Variants in LCE3D observed in about 807,000 individuals in gnomAD.
The protein encoded by LCE3D is late cornified envelope protein 3D.
For missense variants in LCE3D, 124 were observed against 121.1 expected (o/e 1.02, Z -0.11); for synonymous variants, 46 against 47.3 (o/e 0.97, Z 0.11).
At chr1:152,580,018 C>G in intron 1 of LCE3D, 61 bp from the exon 2 acceptor site, 23 of 1,598,006 alleles carry the variant, frequency 1.4e-5, no homozygotes, top group Non-Finnish European at 2.0e-5. Context: ...CTAAGACCAG[C>G]GGCCTCCTGA....
In LCE3D at chr1:152,579,503, G is replaced by T; in HGVS notation, c.*155C>A. 8.6e-7 allele frequency: 1 copy of T among 1,156,350 alleles called. No homozygotes were observed. The highest frequency in any genetic ancestry group is 2.4e-5 in the East Asian group (1 of 42,434). The allele number at this position is 1,156,350 out of a possible 1,614,324, so 71.6% of individuals were successfully genotyped here. A position where few individuals can be genotyped will look rare whatever the true frequency, so the allele number is the denominator to read the frequency against. ...GGACATCAGACAGGAAGTGCCTTCT[G>T]GGGAGAGCTCAGACCTTCCACAGGA... is the stretch of plus-strand genomic sequence containing the variant. On this transcript the variant is annotated 3_prime_UTR_variant, in exon 2 of 2. Coordinates refer to ENST00000368787, the MANE Select transcript of LCE3D (RefSeq NM_032563.2).
At chr1:152,580,223 CAT>C (rs964597971) in intron 1 of LCE3D, among the ~76,000 whole-genome samples, 3 of 152,072 alleles carry the variant, frequency 2.0e-5, no homozygotes, top group South Asian at 2.1e-4. Flanking sequence ...TCATAGGAAA[CAT>C]GTGCCAGCCT....
chr1:152,579,612 A>G lies in LCE3D; in HGVS notation c.*46T>C. 1 of 1,612,268 alleles carries G rather than the reference A, an allele frequency of 6.2e-7. No individual in the cohort carries two copies. The highest frequency in any genetic ancestry group is 1.3e-5 in the African/African-American group (1 of 74,954). ...GATGGGGTTTTCCTGGGCCCTTGGG[A>G]TTCTTGTTTCCTCCAAAATCGCTTG... On this transcript the variant is annotated 3_prime_UTR_variant, in exon 2 of 2. Coordinates refer to ENST00000368787, the MANE Select transcript of LCE3D (RefSeq NM_032563.2).
At chr1:152,580,019 G>A (rs1218645318) in intron 1 of LCE3D, 62 bp from the exon 2 acceptor site, 6 of 1,593,382 alleles carry the variant, frequency 3.8e-6, no homozygotes, top group South Asian at 1.1e-5. Context: ...TAAGACCAGC[G>A]GCCTCCTGAG....
Position 152,579,909 on chromosome 1 carries a change from A to G in LCE3D, c.28T>C (p.Cys10Arg). Residue 10 changes from cysteine to arginine, a missense_variant, in exon 2 of 2, where the codon TGC becomes CGC. By Grantham distance (180) the Cys-to-Arg change is radical. Transcript: ENST00000368787. MSCQQNQQQ[C>R]QPPPKCPSPK... is the part of the protein sequence containing the mutation. ...GAGGGACACTTGGGTGGGGGTTGGC[A>G]CTGCTGCTGGTTCTGCTGGCAGGAC... 6.2e-7 allele frequency: 1 copy of G among 1,613,898 alleles called. No individual in the cohort carries two copies. The highest frequency in any genetic ancestry group is 2.2e-5 in the East Asian group (1 of 44,868).
At position 152,579,873 on chromosome 1, in the gene LCE3D, G is replaced by A; in HGVS notation, c.64C>T (p.Pro22Ser). The A allele has an allele frequency of 6.2e-7, 1 of 1,613,906 alleles. No individual in the cohort carries two copies. Among genetic ancestry groups the A allele is most frequent in the Non-Finnish European group, 8.5e-7 (1 of 1,180,038 alleles). The change falls in exon 2 of 2, where the codon CCC (proline) becomes TCC (serine). Residue 22 changes from proline (P) to serine (S), a missense_variant. Pro to Ser is a moderately conservative substitution (Grantham distance 74). Transcript: ENST00000368787. ...AGACACTGTACTGGGCTCTTTGGGG[G>A]ACACTTGGGTGAGGGACACTTGGGT... ...PPPKCPSPKC[P>S]PKSPVQCLPP...
Position 152,579,477 on chromosome 1 carries a change from TG to T in LCE3D, c.*180del. The T allele has an allele frequency of 1.1e-6, 1 of 875,100 alleles. No individual in the cohort carries two copies. The highest frequency in any genetic ancestry group is 1.7e-6 in the Non-Finnish European group (1 of 576,454). 54.2% of individuals were successfully genotyped at this position (875,100 alleles called of 1,614,324 possible). On this transcript the variant is annotated 3_prime_UTR_variant, in exon 2 of 2. Transcript: ENST00000368787. ...AGGGGTAAGGGAACATGTGACATCCTGGACATCAGACAGGAAGTGCCTTCTG... is the reference window on the plus strand; with the variant it reads ...AGGGGTAAGGGAACATGTGACATCCTGACATCAGACAGGAAGTGCCTTCTG...
At chr1:152,580,261 C>A (rs1358526286) in intron 1 of LCE3D, among the ~76,000 whole-genome samples, 1 of 152,036 alleles carries the variant, frequency 6.6e-6, no homozygotes, top group African/African-American at 2.4e-5. Context: ...GGGAAGGAAT[C>A]ATAAGCTTCT....
chr1:152,580,289 T>C (rs1660197164), intron 1 of LCE3D, among the ~76,000 whole-genome samples, 180 bp downstream of exon 1: 1 of 152,050 alleles, frequency 6.6e-6, no homozygotes, highest in Non-Finnish European at 1.5e-5. Context: ...TTGCAGGTCA[T>C]GGAATTGCTG....
In LCE3D at chr1:152,579,702, C is replaced by T. The variant is rs555436451; in HGVS notation, c.235G>A (p.Gly79Ser). ...CCATGGCCGCAGCCAGAGCCCCCGCCTTGCTGACCACTGCCCCTGTCACAG... is the reference window on the plus strand; with the variant it reads ...CCATGGCCGCAGCCAGAGCCCCCGCTTTGCTGACCACTGCCCCTGTCACAG... ...NSCDRGSGQQ[G>S]GGSGCGHGSG... The change falls in exon 2 of 2, where the codon GGC becomes AGC. Residue 79 changes from glycine to serine, a missense_variant. By Grantham distance (56) the Gly-to-Ser change is moderately conservative. Coordinates refer to ENST00000368787, the MANE Select transcript of LCE3D (RefSeq NM_032563.2). 3 of 1,613,912 alleles carry T rather than the reference C, an allele frequency of 1.9e-6. No individual in the cohort carries two copies. In the Admixed American group the frequency reaches 5.0e-5, roughly 27 times the overall value.
rs1173517928 is a variant in LCE3D, at chr1:152,579,467, T to A, written c.*191A>T. On this transcript the variant is annotated 3_prime_UTR_variant, in exon 2 of 2. Transcript: ENST00000368787. ...TCACAGGTACAGGGGTAAGGGAACATGTGACATCCTGGACATCAGACAGGA... is the reference window on the plus strand; with the variant it reads ...TCACAGGTACAGGGGTAAGGGAACAAGTGACATCCTGGACATCAGACAGGA... 3 of 798,436 alleles carry A rather than the reference T, an allele frequency of 3.8e-6. No homozygotes were observed. The highest frequency in any genetic ancestry group is 3.9e-6 in the Non-Finnish European group (2 of 510,552). The allele number at this position is 798,436 out of a possible 1,614,324, so 49.5% of individuals were successfully genotyped here.
chr1:152,579,844 A>G lies in LCE3D; in HGVS notation c.93T>C (p.Pro31=), dbSNP rs745964387. Residue 31 remains proline (P), a synonymous_variant, in exon 2 of 2, where the codon CCT becomes CCC. Coordinates refer to ENST00000368787, the MANE Select transcript of LCE3D (RefSeq NM_032563.2). The part of the protein sequence containing the change: ...CPPKSPVQCL[P]PASSGCAPSS... ...TTGGGGCACAGCCAGAGGAAGCTGG[A>G]GGCAGACACTGTACTGGGCTCTTTG... The G allele has an allele frequency of 3.0e-5, 49 of 1,613,774 alleles. No homozygotes were observed. Among genetic ancestry groups the G allele is most frequent in the Non-Finnish European group, 3.2e-5 (38 of 1,180,040 alleles).
chr1:152,579,983 G>C (rs544102852), intron 1 of LCE3D, 26 bp from the exon 2 acceptor site: 2 of 1,613,304 alleles, frequency 1.2e-6, no homozygotes, highest in East Asian at 2.2e-5. Flanking sequence ...CCATTTGTTA[G>C]TCCAAAATCT....
At chr1:152,580,328 C>A in intron 1 of LCE3D, 141 bp downstream of exon 1, 1 of 251,314 alleles carries the variant, frequency 4.0e-6, no homozygotes, top group Non-Finnish European at 7.7e-6. Context: ...CCCTCCTGGC[C>A]CCAGTTCCCA....
rs1196655255 is a variant in LCE3D, at chr1:152,579,490, G to A, written c.*168C>T. 1 of 989,558 alleles carries A rather than the reference G, an allele frequency of 1.0e-6. No homozygotes were observed. The highest frequency in any genetic ancestry group is 1.5e-6 in the Non-Finnish European group (1 of 674,480). The allele number at this position is 989,558 out of a possible 1,614,324, so 61.3% of individuals were successfully genotyped here. ...CATGTGACATCCTGGACATCAGACA[G>A]GAAGTGCCTTCTGGGGAGAGCTCAG... On this transcript the variant is annotated 3_prime_UTR_variant, in exon 2 of 2. Transcript: ENST00000368787.
At chr1:152,579,997 G>C in intron 1 of LCE3D, 40 bp from the exon 2 acceptor site, 1 of 1,612,100 alleles carries the variant, frequency 6.2e-7, no homozygotes, top group South Asian at 1.1e-5. Flanking sequence ...AAAATCTACA[G>C]TCCAATGTCT....
At chr1:152,579,993 T>C in intron 1 of LCE3D, 36 bp from the exon 2 acceptor site, 1 of 1,612,756 alleles carries the variant, frequency 6.2e-7, no homozygotes, top group Non-Finnish European at 8.5e-7. Flanking sequence ...GTCCAAAATC[T>C]ACAGTCCAAT....
chr1:152,579,658 T>TCAG lies in LCE3D; in HGVS notation c.276_278dup (p.Cys92dup), dbSNP rs1259037041. On this transcript the variant is annotated inframe_insertion, in exon 2 of 2. Transcript: ENST00000368787. ...GCTTGTCTCAGCATCAGGATCCAGG[T>TCAG]CAGCAGCAGCCTCCAGAGCCATGGC... 1.2e-6 allele frequency: 2 copies of TCAG among 1,613,768 alleles called. No homozygotes were observed. The highest frequency in any genetic ancestry group is 1.7e-6 in the Non-Finnish European group (2 of 1,179,988).
Sources: gnomAD v4.1 joint callset for allele counts (sites outside exome capture counted in the v4.1 genomes callset) on GRCh38, gnomAD v4.1.1 for gene constraint, MANE v1.5 for transcripts, NCBI Gene and HGNC (gene_info 2026-07-23, HGNC 2026-07-21) for gene names.